Variants in MYLK observed in about 807,000 individuals in gnomAD.
MYLK encodes the protein myosin light chain kinase.
Under a neutral mutation model 203.4 loss-of-function variants are expected in MYLK, and 106 were observed. The observed-to-expected ratio is 0.52, with a 90% confidence interval of 0.45 to 0.61. The LOEUF is 0.61. MYLK is among the 20% of genes least tolerant of loss of function. MYLK has a pLI of 0.00. For synonymous variants in MYLK, 867 were observed against 959.5 expected, an observed-to-expected ratio of 0.90 and a Z score of 1.78; for missense variants, 2,072 against 2,442.3, an observed-to-expected ratio of 0.85 and a Z score of 3.20.
chr3:123,637,630 G>A (rs2058688036), intron 29 of MYLK, among the ~76,000 whole-genome samples: 1 of 152,088 alleles, frequency 6.6e-6, no homozygotes, highest in Non-Finnish European at 1.5e-5. Flanking sequence ...CTAGTAGTTG[G>A]GGTCCCCGTG....
intron 3 of MYLK, among the ~76,000 whole-genome samples, chr3:123,830,582 C>T (rs1296902023): frequency 6.6e-6 from 1 of 152,158 alleles, no homozygotes; most frequent in African/African-American, 2.4e-5. Context: ...ACCACACTTC[C>T]TGTTATTAAT....
Position 123,626,856 on chromosome 3 carries a change from C to A in MYLK, c.5200G>T (p.Asp1734Tyr). ...KNMEAKKLSK[D>Y]RMKKYMARRK... Reference sequence around the variant, plus strand: ...CTTGCCATGTACTTCTTCATCCGGTCCTTGGAGAGTTTCTTGGCCTCCATG... The same window carrying A: ...CTTGCCATGTACTTCTTCATCCGGTACTTGGAGAGTTTCTTGGCCTCCATG... Residue 1734 changes from aspartate (D) to tyrosine (Y), a missense_variant, in exon 31 of 34, where the codon GAC becomes TAC. This residue lies in a region of MYLK where 524 missense variants were observed against 782.4 expected (regional missense o/e 0.67). Transcript: ENST00000360304. The A allele has an allele frequency of 6.2e-7, 1 of 1,614,194 alleles. No homozygotes were observed. Among genetic ancestry groups the A allele is most frequent in the Non-Finnish European group, 8.5e-7 (1 of 1,180,046 alleles).
chr3:123,677,914 TATATAC>T (rs1160972023), intron 20 of MYLK, among the ~76,000 whole-genome samples: 1,597 of 103,112 alleles, frequency 0.015, 34 homozygotes, highest in African/African-American at 0.057. Flanking sequence ...TATATATATA[TATATAC>T]ACACACACAC....
chr3:123,873,053 C>G (rs1391500196), intron 2 of MYLK, among the ~76,000 whole-genome samples: 3 of 152,120 alleles, frequency 2.0e-5, no homozygotes, highest in East Asian at 3.9e-4. Context: ...AGACATTCCT[C>G]TCACCACTCT....
intron 5 of MYLK, 147 bp downstream of exon 5, chr3:123,752,184 A>C (rs2063215087): frequency 1.2e-5 from 10 of 829,650 alleles, no homozygotes; most frequent in South Asian, 8.3e-5. Context: ...CTCTCCCATT[A>C]GATTGGAAGG....
At chr3:123,877,604 T>G (rs1459150677) in intron 1 of MYLK, among the ~76,000 whole-genome samples, 1 of 152,190 alleles carries the variant, frequency 6.6e-6, no homozygotes, top group Non-Finnish European at 1.5e-5. Flanking sequence ...AGCAACTGCG[T>G]TGATTGTATC....
rs2061166854 is a variant in MYLK, at chr3:123,700,757, T to G, written c.2711A>C (p.Lys904Thr). 1 of 1,614,226 alleles carries G rather than the reference T, an allele frequency of 6.2e-7. No individual in the cohort carries two copies. ...QLDFRDLLGK[K>T]VSTKTLSEDD... ...TTCCGATAGGGTCTTTGTACTCACC[T>G]TCTTCCCCAGGAGGTCTCGGAAGTC... is the stretch of plus-strand genomic sequence containing the variant. The change falls in exon 18 of 34, where the codon AAG becomes ACG. Residue 904 changes from lysine (K) to threonine (T), a missense_variant. Around this residue, in one of 3 missense-constraint regions of MYLK, gnomAD observed 865 missense variants for 1,016.0 expected, o/e 0.85. Transcript: ENST00000360304.
chr3:123,732,932 C>T lies in MYLK; in HGVS notation c.1480G>A (p.Gly494Ser), dbSNP rs1002989047. ...AGGGTCCAGCTACAGGACAGCTGGC[C>T]TTGGGCGTTGGAAGCAGTGCAGCTG... ...TYSCTASNAQ[G>S]QLSCSWTLQV... The change falls in exon 11 of 34, where the codon GGC (glycine) becomes AGC (serine). Residue 494 changes from glycine to serine, a missense_variant. Physicochemically the swap from Gly to Ser is moderately conservative, Grantham distance 56. Coordinates refer to ENST00000360304, the MANE Select transcript of MYLK (RefSeq NM_053025.4). 60 of 1,614,078 alleles carry T rather than the reference C, an allele frequency of 3.7e-5. No individual in the cohort carries two copies. The highest frequency in any genetic ancestry group is 4.8e-5 in the Non-Finnish European group (57 of 1,180,046).
At chr3:123,718,904 A>G (rs957225156) in intron 13 of MYLK, among the ~76,000 whole-genome samples, 2 of 152,168 alleles carry the variant, frequency 1.3e-5, no homozygotes, top group African/African-American at 2.4e-5. Context: ...GCACTGATCA[A>G]TATAGGCGCG....
intron 2 of MYLK, among the ~76,000 whole-genome samples, chr3:123,860,726 G>C (rs989955709): frequency 6.6e-6 from 1 of 152,136 alleles, no homozygotes; most frequent in Non-Finnish European, 1.5e-5. Flanking sequence ...GCCTAAATTG[G>C]TCAATAAACA....
intron 27 of MYLK, among the ~76,000 whole-genome samples, chr3:123,641,708 T>TC (rs202110731): frequency 0.018 from 2,637 of 149,816 alleles, 74 homozygotes; most frequent in African/African-American, 0.058. Context: ...CTTCCTTCCT[T>TC]CCTTCCGTCC....
chr3:123,790,163 C>T (rs1576984551), intron 4 of MYLK, among the ~76,000 whole-genome samples: 1 of 152,210 alleles, frequency 6.6e-6, no homozygotes, highest in East Asian at 1.9e-4. Flanking sequence ...TTTAATCTGG[C>T]TGCCCAAGCA....
At chr3:123,726,280 C>A (rs1413641069) in intron 11 of MYLK, among the ~76,000 whole-genome samples, 2 of 152,204 alleles carry the variant, frequency 1.3e-5, no homozygotes, top group Non-Finnish European at 2.9e-5. Context: ...AGCAGAGTCA[C>A]CCGCAGGGGC....
chr3:123,645,159 A>T (rs1384451709), intron 27 of MYLK, among the ~76,000 whole-genome samples: 1 of 152,236 alleles, frequency 6.6e-6, no homozygotes, highest in African/African-American at 2.4e-5. Context: ...TATATGCATT[A>T]TTGCATTGAA....
chr3:123,834,195 G>A (rs1388932175), intron 2 of MYLK, among the ~76,000 whole-genome samples: 3 of 151,990 alleles, frequency 2.0e-5, no homozygotes, highest in Admixed American at 6.6e-5. Context: ...ACAGGTGCAC[G>A]CCACCATGTC....
chr3:123,804,442 C>T (rs2065300967), intron 3 of MYLK, among the ~76,000 whole-genome samples: 1 of 152,020 alleles, frequency 6.6e-6, no homozygotes, highest in Admixed American at 6.5e-5. Flanking sequence ...TGTGAGAAGC[C>T]TAGGAAAGCC....
chr3:123,665,643 C>T (rs557765076), intron 22 of MYLK, among the ~76,000 whole-genome samples: 1 of 152,270 alleles, frequency 6.6e-6, no homozygotes, highest in South Asian at 2.1e-4. Flanking sequence ...GCTGGGCTCC[C>T]CAAGTCCTTT....
intron 3 of MYLK, among the ~76,000 whole-genome samples, chr3:123,816,163 G>C (rs139192207): frequency 6.6e-6 from 1 of 152,236 alleles, no homozygotes; most frequent in East Asian, 1.9e-4. Flanking sequence ...TGCATTGATG[G>C]CATACATCCT....
chr3:123,857,123 C>G (rs975053054), intron 2 of MYLK, among the ~76,000 whole-genome samples: 1 of 151,872 alleles, frequency 6.6e-6, no homozygotes, highest in South Asian at 2.1e-4. Context: ...GTTAGAATGG[C>G]GATCATTAAA....
Sources: gnomAD v4.1 joint callset for allele counts (sites outside exome capture counted in the v4.1 genomes callset) on GRCh38, gnomAD v4.1.1 for gene constraint, gnomAD v4.1.1 regional missense constraint, MANE v1.5 for transcripts, NCBI Gene and HGNC (gene_info 2026-07-23, HGNC 2026-07-21) for gene names.